The following SEPSECS variants were observed in gnomAD, a reference collection of about 807,000 sequenced individuals.
The protein encoded by SEPSECS is O-phosphoseryl-tRNA(Sec) selenium transferase.
In SEPSECS, 42 loss-of-function variants were observed where a neutral mutation model predicts 52.1. The observed-to-expected ratio is 0.81, with a 90% confidence interval of 0.63 to 1.04. SEPSECS has a LOEUF of 1.04. Ranked by LOEUF, SEPSECS falls within the 50% of genes least tolerant of loss-of-function variation. The pLI, the probability that SEPSECS is intolerant of heterozygous loss-of-function variation, is 0.00. For synonymous variants in SEPSECS, 216 were observed against 211.4 expected (o/e 1.02, Z -0.19); for missense variants, 590 against 610.6 (o/e 0.97, Z 0.36).
At chr4:25,160,125 C>G in intron 1 of SEPSECS, 131 bp downstream of exon 1, 1 of 1,474,380 alleles carries the variant, frequency 6.8e-7, no homozygotes, top group South Asian at 1.3e-5. Context: ...TAGGGCAAGC[C>G]AAGCTGAGAC....
chr4:25,159,510 G>T, intron 1 of SEPSECS: 1 of 401,418 alleles, frequency 2.5e-6, no homozygotes, highest in African/African-American at 2.1e-5. Context: ...GCTCACTCAC[G>T]CCTGTAATCC....
intron 4 of SEPSECS, among the ~76,000 whole-genome samples, chr4:25,155,453 A>G (rs967831401): frequency 1.3e-5 from 2 of 152,246 alleles, no homozygotes; most frequent in Non-Finnish European, 2.9e-5. Flanking sequence ...AAGTAATAAC[A>G]TAGACACTGA....
At chr4:25,149,535 T>C (rs1712180833) in intron 6 of SEPSECS, among the ~76,000 whole-genome samples, 1 of 152,170 alleles carries the variant, frequency 6.6e-6, no homozygotes, top group South Asian at 2.1e-4. Context: ...AAAAACAATA[T>C]GCATATAAAA....
Position 25,160,376 on chromosome 4 carries a change from G to A in SEPSECS, c.-7C>T, listed in dbSNP as rs1403719149. ...CGAAGCTCTCGCGGTTCATGACAGC[G>A]GTGGCGACAGTGGCGAATAAGCGGG... On this transcript the variant is annotated 5_prime_UTR_variant, in exon 1 of 11. Coordinates refer to ENST00000382103, the MANE Select transcript of SEPSECS (RefSeq NM_016955.4). The A allele has an allele frequency of 3.2e-6, 5 of 1,543,826 alleles. No individual in the cohort carries two copies. The highest frequency in any genetic ancestry group is 2.5e-5 in the East Asian group (1 of 40,736).
chr4:25,153,296 A>G (rs1712421015), intron 5 of SEPSECS, among the ~76,000 whole-genome samples: 1 of 151,888 alleles, frequency 6.6e-6, no homozygotes, highest in South Asian at 2.1e-4. Context: ...TGTGTGTTCT[A>G]ATGAAAATAT....
In SEPSECS at chr4:25,123,890, T is replaced by C. The variant is rs913911044; in HGVS notation, c.*41A>G. On this transcript the variant is annotated 3_prime_UTR_variant, in exon 11 of 11. Transcript: ENST00000382103. ...AAACTGCTTGCTTGTACTACAGCCTTATCATTTCTTTCAAATGATCAAGAA... is the reference window on the plus strand; with the variant it reads ...AAACTGCTTGCTTGTACTACAGCCTCATCATTTCTTTCAAATGATCAAGAA... 2.0e-6 allele frequency: 3 copies of C among 1,529,920 alleles called. No homozygotes were observed. The highest frequency in any genetic ancestry group is 1.4e-5 in the African/African-American group (1 of 73,158). The allele number at this position is 1,529,920 out of a possible 1,614,324, so 94.8% of individuals were successfully genotyped here.
At chr4:25,157,279 T>G (rs1320099225) in intron 2 of SEPSECS, among the ~76,000 whole-genome samples, 1 of 152,176 alleles carries the variant, frequency 6.6e-6, no homozygotes, top group Non-Finnish European at 1.5e-5. Context: ...CTGGGCTGAA[T>G]TTAGTAACTT....
At chr4:25,148,707 G>A (rs201574090) in intron 6 of SEPSECS, among the ~76,000 whole-genome samples, 2 of 152,138 alleles carry the variant, frequency 1.3e-5, no homozygotes, top group East Asian at 3.9e-4. Context: ...ATACCTAGAA[G>A]AGAGTATGTG....
At chr4:25,159,900 T>G (rs1285374286) in intron 1 of SEPSECS, 4 of 1,158,228 alleles carry the variant, frequency 3.5e-6, no homozygotes, top group Non-Finnish European at 4.3e-6. Context: ...CACCATTATG[T>G]GTTCTGAGTC....
intron 8 of SEPSECS, among the ~76,000 whole-genome samples, chr4:25,137,341 T>C (rs1237386414): frequency 6.6e-6 from 1 of 152,134 alleles, no homozygotes; most frequent in Non-Finnish European, 1.5e-5. Flanking sequence ...ATATCCAGTC[T>C]ACAATGAACG....
rs1728135742 is a variant in SEPSECS, at chr4:25,121,757, T to C, written c.*2174A>G. 1 of 152,182 alleles carries C rather than the reference T, an allele frequency of 6.6e-6. No homozygotes were observed. The highest frequency in any genetic ancestry group is 1.5e-5 in the Non-Finnish European group (1 of 68,020). The allele number at this position is 152,182 out of a possible 1,614,324, so 9.4% of individuals were successfully genotyped here. On this transcript the variant is annotated 3_prime_UTR_variant, in exon 11 of 11. Transcript: ENST00000382103. Reference sequence around the variant, plus strand: ...CACAGCTGATTTTCTGCATCAGGAATGAAATATTGTAACATATCTATCATT... The same window carrying C: ...CACAGCTGATTTTCTGCATCAGGAACGAAATATTGTAACATATCTATCATT...
At chr4:25,143,318 A>C (rs2109020248) in intron 8 of SEPSECS, among the ~76,000 whole-genome samples, 1 of 152,226 alleles carries the variant, frequency 6.6e-6, no homozygotes, top group Non-Finnish European at 1.5e-5. Flanking sequence ...AAGACATGAA[A>C]CGTTTCATCA....
chr4:25,154,489 G>C (rs1279758424), intron 5 of SEPSECS, among the ~76,000 whole-genome samples: 1 of 151,992 alleles, frequency 6.6e-6, no homozygotes, highest in African/African-American at 2.4e-5. Context: ...TTTCCTTTTT[G>C]CTTTTATTTT....
intron 3 of SEPSECS, 47 bp from the exon 4 acceptor site, chr4:25,156,242 C>T: frequency 6.6e-7 from 1 of 1,512,012 alleles, no homozygotes; most frequent in African/African-American, 1.4e-5. Context: ...GCTAAGCACC[C>T]AGCATCCTTC....
At chr4:25,143,792 A>ATTATAT (rs1334512078) in intron 8 of SEPSECS, among the ~76,000 whole-genome samples, 8 of 152,324 alleles carry the variant, frequency 5.3e-5, no homozygotes, top group African/African-American at 1.9e-4. Context: ...GAATATATAA[A>ATTATAT]GTACTATTAT....
rs2109035639 is a variant in SEPSECS at position 25,156,878 on chromosome 4, G to A, written c.366C>T (p.Val122=). 1.3e-6 allele frequency: 2 copies of A among 1,599,960 alleles called. No individual in the cohort carries two copies. The highest frequency in any genetic ancestry group is 4.5e-5 in the East Asian group (2 of 44,814). Residue 122 remains valine, a synonymous_variant, in exon 3 of 11, where the codon GTC becomes GTT. Transcript: ENST00000382103. The part of the protein sequence containing the change: ...SLLNKITNSL[V]LDIIKLAGVH... ...TACCAGCCAGCTTTATAATGTCCAGGACCAAAGAATTGGTAATTTTGTTCA... is the reference window on the plus strand; with the variant it reads ...TACCAGCCAGCTTTATAATGTCCAGAACCAAAGAATTGGTAATTTTGTTCA...
At chr4:25,137,868 T>C (rs1728904441) in intron 8 of SEPSECS, among the ~76,000 whole-genome samples, 1 of 152,194 alleles carries the variant, frequency 6.6e-6, no homozygotes, top group African/African-American at 2.4e-5. Flanking sequence ...ATCTACACCA[T>C]GGAATACTAT....
Position 25,124,225 on chromosome 4 carries a change from C to T in SEPSECS, c.1212G>A (p.Arg404=), listed in dbSNP as rs1180234415. 6.2e-7 allele frequency: 1 copy of T among 1,612,824 alleles called. No individual in the cohort carries two copies. The highest frequency in any genetic ancestry group is 8.5e-7 in the Non-Finnish European group (1 of 1,179,424). The change falls in exon 11 of 11, where the codon AGG becomes AGA. Residue 404 remains arginine, a splice_region_variant and synonymous_variant. Coordinates refer to ENST00000382103, the MANE Select transcript of SEPSECS (RefSeq NM_016955.4). ...MLFTRQVSGA[R]VVPLGSMQTV... ...TTTGCATGGACCCAAGAGGCACAAC[C>T]CTGAAAGAAGAAAGATTTACCAATT... is the stretch of plus-strand genomic sequence containing the variant.
At chr4:25,154,977 C>T in intron 5 of SEPSECS, 21 bp downstream of exon 5, 4 of 1,611,256 alleles carry the variant, frequency 2.5e-6, no homozygotes, top group Non-Finnish European at 1.7e-6. Context: ...AGCTAAAGGA[C>T]AATATTCACA....
Sources: allele counts gnomAD v4.1 joint callset (sites outside exome capture counted in the v4.1 genomes callset), GRCh38; gene constraint gnomAD v4.1.1; transcripts MANE v1.5; gene names NCBI Gene and HGNC (gene_info 2026-07-23, HGNC 2026-07-21).